HDAC4: variants seen among roughly 807,000 people sequenced by gnomAD.
HDAC4 encodes histone deacetylase A.
Under a neutral mutation model 135.1 loss-of-function variants are expected in HDAC4, and 16 were observed. The ratio of observed to expected loss-of-function variants is 0.12; its 90% confidence interval spans 0.08 to 0.18. The LOEUF is 0.18. HDAC4 is among the 10% of genes least tolerant of loss of function. The probability of loss-of-function intolerance (pLI) is 1.00; values close to 1 mark genes in which losing one functional copy is unlikely to be tolerated. For missense variants in HDAC4, 1,143 were observed against 1,511.8 expected, an observed-to-expected ratio of 0.76 and a Z score of 4.05; for synonymous variants, 685 against 653.4, an observed-to-expected ratio of 1.05 and a Z score of -0.74.
At chr2:239,171,987 A>G (rs2043478091) in intron 5 of HDAC4, among the ~76,000 whole-genome samples, 1 of 152,230 alleles carries the variant, frequency 6.6e-6, no homozygotes, top group African/African-American at 2.4e-5. Context: ...TAAACAAAGA[A>G]TATCACAGAT....
intron 2 of HDAC4, among the ~76,000 whole-genome samples, chr2:239,253,712 T>C (rs145199010): frequency 2.5e-3 from 373 of 152,152 alleles, no homozygotes; most frequent in Middle Eastern, 0.01. Context: ...GTAGGCAGAG[T>C]TGAATTCAAG....
chr2:239,136,771 G>C (rs775650408), intron 9 of HDAC4, among the ~76,000 whole-genome samples: 1 of 152,178 alleles, frequency 6.6e-6, no homozygotes, highest in Non-Finnish European at 1.5e-5. Context: ...TGGCCATTGG[G>C]GATAGGAAGA....
intron 2 of HDAC4, among the ~76,000 whole-genome samples, chr2:239,286,250 T>C (rs1417684989): frequency 6.6e-6 from 1 of 152,072 alleles, no homozygotes; most frequent in Non-Finnish European, 1.5e-5. Flanking sequence ...CAAAGTAGAC[T>C]TTCAAAAATA....
chr2:239,258,196 G>C (rs1390102775), intron 2 of HDAC4, among the ~76,000 whole-genome samples: 1 of 152,122 alleles, frequency 6.6e-6, no homozygotes, highest in Non-Finnish European at 1.5e-5. Context: ...TTTGTGAGTA[G>C]GAAGGTGGGC....
intron 1 of HDAC4, among the ~76,000 whole-genome samples, chr2:239,366,327 C>T (rs1294535993): frequency 6.6e-6 from 1 of 152,200 alleles, no homozygotes; most frequent in African/African-American, 2.4e-5. Context: ...CACAGATGAA[C>T]GCACAAGAAT....
At chr2:239,056,185 C>T (rs1308729526) in intron 24 of HDAC4, among the ~76,000 whole-genome samples, 1 of 152,202 alleles carries the variant, frequency 6.6e-6, no homozygotes, top group Non-Finnish European at 1.5e-5. Context: ...TGAGCACAGC[C>T]GGTTAACTTC....
At chr2:239,260,376 A>C (rs188599040) in intron 2 of HDAC4, among the ~76,000 whole-genome samples, 6 of 152,352 alleles carry the variant, frequency 3.9e-5, no homozygotes, top group Admixed American at 3.9e-4. Flanking sequence ...ATAAAATGGG[A>C]AGGACAACGC....
At position 239,303,225 on chromosome 2, in the gene HDAC4, C is replaced by A. The variant is rs2052374837; in HGVS notation, c.22+49453G>T. On this transcript the variant is annotated intron_variant, in intron 2 of 26. Transcript: ENST00000543185. This position sits in a 1 kb window ranked among gnomAD's most constrained non-coding sequence, Gnocchi z 5.1. ...CTGCTCAGGCCTGGGGACAGGAGGGCACAGGGACAGGCCTGGAGGACAAGG... is the reference window on the plus strand; with the variant it reads ...CTGCTCAGGCCTGGGGACAGGAGGGAACAGGGACAGGCCTGGAGGACAAGG... 6.6e-6 allele frequency among the ~76,000 whole-genome samples: 1 copy of A among 152,242 alleles called. No individual in the cohort carries two copies. Among genetic ancestry groups the A allele is most frequent in the South Asian group, 2.1e-4 (1 of 4,822 alleles).
chr2:239,232,213 G>T (rs931362195), intron 3 of HDAC4, among the ~76,000 whole-genome samples: 1 of 152,156 alleles, frequency 6.6e-6, no homozygotes, highest in Non-Finnish European at 1.5e-5. Context: ...GGAAGGGGAG[G>T]AGTTTTAGCT....
chr2:239,279,633 A>G (rs2050588839), intron 2 of HDAC4, among the ~76,000 whole-genome samples: 1 of 152,246 alleles, frequency 6.6e-6, no homozygotes, highest in Non-Finnish European at 1.5e-5. Context: ...CAGCAGCAGC[A>G]GAAGCCAGAA....
At chr2:239,301,524 C>G (rs1438110507) in intron 2 of HDAC4, among the ~76,000 whole-genome samples, 1 of 151,522 alleles carries the variant, frequency 6.6e-6, no homozygotes, top group Non-Finnish European at 1.5e-5. Flanking sequence ...CCTCTGTCAC[C>G]CAGGCTGGAG....
At chr2:239,288,389 A>G (rs560867768) in intron 2 of HDAC4, among the ~76,000 whole-genome samples, 24 of 152,344 alleles carry the variant, frequency 1.6e-4, no homozygotes, top group African/African-American at 5.8e-4. Context: ...CTTTAATGTC[A>G]AGGACGACAG....
chr2:239,285,613 C>G lies in HDAC4; in HGVS notation c.23-48949G>C, dbSNP rs6734425. Reference sequence around the variant, plus strand: ...TACTAGAAACTTCCTCTTCTGGGGACGTGGCAGACAAGTCATCTTACAGGC... The same window carrying G: ...TACTAGAAACTTCCTCTTCTGGGGAGGTGGCAGACAAGTCATCTTACAGGC... On this transcript the variant is annotated intron_variant, in intron 2 of 26. Coordinates refer to ENST00000543185, the MANE Select transcript of HDAC4 (RefSeq NM_001378414.1). The surrounding 1 kb of genome is among the most constrained non-coding windows in gnomAD (Gnocchi z 4.5). Among the ~76,000 whole-genome samples, 4,823 of 152,238 alleles carry G rather than the reference C, an allele frequency of 0.032. 263 individuals are homozygous for G. The highest frequency in any genetic ancestry group is 0.11 in the African/African-American group (4,557 of 41,524).
intron 3 of HDAC4, among the ~76,000 whole-genome samples, chr2:239,208,647 C>G (rs1009673788): frequency 2.0e-5 from 3 of 152,092 alleles, no homozygotes; most frequent in Non-Finnish European, 4.4e-5. Context: ...AGATACTGAG[C>G]TCCTCCCACC....
chr2:239,228,775 ACAC>A (rs1431513334), intron 3 of HDAC4, among the ~76,000 whole-genome samples: 1 of 152,126 alleles, frequency 6.6e-6, no homozygotes, highest in Non-Finnish European at 1.5e-5. Context: ...GGATTACTCG[ACAC>A]CACATCTAGT....
chr2:239,355,642 G>A (rs1199193227), intron 1 of HDAC4, among the ~76,000 whole-genome samples: 1 of 152,152 alleles, frequency 6.6e-6, no homozygotes, highest in East Asian at 1.9e-4. Flanking sequence ...CTGCACTTCA[G>A]GGTATTTCCC....
At chr2:239,388,032 A>G (rs1259297941) in intron 1 of HDAC4, among the ~76,000 whole-genome samples, 2 of 152,208 alleles carry the variant, frequency 1.3e-5, no homozygotes. Context: ...ACCACACGTC[A>G]TAACATGGGG....
At chr2:239,213,603 G>A (rs1254443091) in intron 3 of HDAC4, among the ~76,000 whole-genome samples, 6 of 152,206 alleles carry the variant, frequency 3.9e-5, no homozygotes, top group Non-Finnish European at 4.4e-5. Flanking sequence ...CTCGGAGAGT[G>A]GCCGGAGCCA....
chr2:239,389,431 C>G (rs767986319), intron 1 of HDAC4, among the ~76,000 whole-genome samples: 2 of 152,192 alleles, frequency 1.3e-5, no homozygotes, highest in African/African-American at 4.8e-5. Flanking sequence ...ACAGAAGAAA[C>G]CCCGGACACA....
Sources: allele counts gnomAD v4.1 joint callset (sites outside exome capture counted in the v4.1 genomes callset), GRCh38; gene constraint gnomAD v4.1.1; non-coding constraint Gnocchi (gnomAD v3.1); transcripts MANE v1.5; gene names NCBI Gene and HGNC (gene_info 2026-07-23, HGNC 2026-07-21).